Variants in SNTG1 observed in about 807,000 individuals in gnomAD.
SNTG1 encodes the protein gamma-1-syntrophin.
A neutral mutation model predicts 74.7 loss-of-function variants in SNTG1; 39 were observed. The ratio of observed to expected loss-of-function variants is 0.52; its 90% CI spans 0.40 to 0.68. The LOEUF (loss-of-function observed/expected upper bound fraction) is 0.68, where lower values mean the gene tolerates loss of function less well. Among genes scored for constraint, SNTG1 ranks in the 30% least tolerant of loss-of-function variants. SNTG1 has a pLI of 0.00. For missense variants in SNTG1, 685 were observed against 609.5 expected (o/e 1.12, Z -1.30); for synonymous variants, 254 against 217.1 (o/e 1.17, Z -1.49).
intron 4 of SNTG1, among the ~76,000 whole-genome samples, chr8:50,425,011 G>A (rs1190673224): frequency 6.6e-6 from 1 of 152,072 alleles, no homozygotes; most frequent in Non-Finnish European, 1.5e-5. Context: ...TTGTTTATGA[G>A]AAATCAATAG....
intron 12 of SNTG1, 37 bp from the exon 13 acceptor site, chr8:50,590,842 T>G: frequency 1.4e-6 from 2 of 1,392,414 alleles, no homozygotes. Context: ...TACCATCTAT[T>G]GTTCTTCTCA....
intron 13 of SNTG1, among the ~76,000 whole-genome samples, chr8:50,653,772 A>G (rs575345584): frequency 5.3e-5 from 8 of 152,166 alleles, no homozygotes; most frequent in Non-Finnish European, 1.0e-4. Context: ...TGTTCTTTGG[A>G]TACTTTTCAA....
chr8:50,434,364 C>T (rs1298898044), intron 4 of SNTG1, among the ~76,000 whole-genome samples: 3 of 152,208 alleles, frequency 2.0e-5, no homozygotes, highest in Admixed American at 2.0e-4. Flanking sequence ...GTGCATGTGT[C>T]TTTATAGCAG....
At chr8:50,741,459 A>G (rs1405314960) in intron 17 of SNTG1, among the ~76,000 whole-genome samples, 2 of 152,062 alleles carry the variant, frequency 1.3e-5, no homozygotes, top group Non-Finnish European at 2.9e-5. Context: ...TAAATGTAAG[A>G]AAAAGATAAT....
chr8:50,259,241 G>A (rs1366071650), intron 2 of SNTG1, among the ~76,000 whole-genome samples: 1 of 152,090 alleles, frequency 6.6e-6, no homozygotes, highest in Non-Finnish European at 1.5e-5. Flanking sequence ...GCTCACACCT[G>A]TAATCCCAGC....
intron 1 of SNTG1, among the ~76,000 whole-genome samples, chr8:50,028,035 T>C (rs564268238): frequency 1.3e-5 from 2 of 152,288 alleles, no homozygotes; most frequent in African/African-American, 2.4e-5. Context: ...TAGTTCTATG[T>C]CACATTACCA....
In SNTG1 at chr8:50,779,703, C is replaced by G. The variant is rs546166517; in HGVS notation, c.1396-12968C>G. On this transcript the variant is annotated intron_variant, in intron 18 of 18. Transcript: ENST00000642720. ...AATCGAATACCCTTTATTTCCTTCT[C>G]CTGCCTAATTGCCCTGGCCAGAACT... 2.9e-3 allele frequency among the ~76,000 whole-genome samples: 438 copies of G among 152,076 alleles called. 1 individual carries two copies. Among genetic ancestry groups the G allele is most frequent in the African/African-American group, 0.01 (423 of 41,440 alleles).
Position 50,793,711 on chromosome 8 carries a change from A to G in SNTG1, c.*882A>G, listed in dbSNP as rs2095697557. ...ACCTTTTGTAGAGAAAATAATATAA[A>G]CAAATATGGTGTGAGAAACAATTCT... On this transcript the variant is annotated 3_prime_UTR_variant, in exon 19 of 19. Transcript: ENST00000642720. The G allele has an allele frequency of 6.6e-6, 1 of 151,896 alleles. No individual in the cohort carries two copies. Among genetic ancestry groups the G allele is most frequent in the African/African-American group, 2.4e-5 (1 of 41,406 alleles). The allele number at this position is 151,896 out of a possible 1,614,324, so 9.4% of individuals were successfully genotyped here.
At chr8:50,172,787 AAC>A (rs533659080) in intron 2 of SNTG1, among the ~76,000 whole-genome samples, 152 bp downstream of exon 2, 37,386 of 145,086 alleles carry the variant, frequency 0.26, 4,627 homozygotes, top group Middle Eastern at 0.39. Context: ...AAAAAAAAAA[AAC>A]AAAACCTCTT....
At chr8:50,013,778 G>A (rs528511920) in intron 1 of SNTG1, among the ~76,000 whole-genome samples, 1 of 151,926 alleles carries the variant, frequency 6.6e-6, no homozygotes, top group African/African-American at 2.4e-5. Flanking sequence ...ATTTTTCCTG[G>A]GGGAAATAAT....
intron 1 of SNTG1, among the ~76,000 whole-genome samples, chr8:49,984,684 CACT>C (rs1449522622): frequency 1.3e-5 from 2 of 151,982 alleles, no homozygotes; most frequent in African/African-American, 4.8e-5. Context: ...AAAATAAGAT[CACT>C]ACATTTCATG....
At chr8:50,105,223 AG>A (rs1478915523) in intron 1 of SNTG1, among the ~76,000 whole-genome samples, 35 of 152,186 alleles carry the variant, frequency 2.3e-4, no homozygotes, top group African/African-American at 8.2e-4. Flanking sequence ...GTAAGGAAGG[AG>A]TCCAGCTCCT....
intron 2 of SNTG1, among the ~76,000 whole-genome samples, chr8:50,391,530 C>A (rs532655822): frequency 7.9e-5 from 12 of 152,066 alleles, no homozygotes; most frequent in Non-Finnish European, 1.6e-4. Flanking sequence ...GTCTAAAATT[C>A]TCTTTTTTTG....
In SNTG1 at chr8:49,978,851, A is replaced by T. The variant is rs114090644; in HGVS notation, c.-103+66620A>T. Among the ~76,000 whole-genome samples the T allele has an allele frequency of 7.9e-3, 1,203 of 152,264 alleles. 18 individuals carry two copies. The highest frequency in any genetic ancestry group is 0.028 in the African/African-American group (1,157 of 41,548). On this transcript the variant is annotated intron_variant, in intron 1 of 18. Coordinates refer to ENST00000642720, the MANE Select transcript of SNTG1 (RefSeq NM_018967.5). The stretch of plus-strand genomic sequence containing the variant: ...GTTTAAGAAGTTGAGTAACATCCGA[A>T]ATATCCTCCAATTATTAGCTGACTT...
At chr8:50,513,774 T>G (rs1350942201) in intron 9 of SNTG1, among the ~76,000 whole-genome samples, 1 of 152,226 alleles carries the variant, frequency 6.6e-6, no homozygotes, top group Non-Finnish European at 1.5e-5. Context: ...AAGTGCAGTA[T>G]TAGGGTGGGA....
At chr8:50,139,432 C>A (rs1384803484) in intron 1 of SNTG1, among the ~76,000 whole-genome samples, 1 of 152,194 alleles carries the variant, frequency 6.6e-6, no homozygotes, top group African/African-American at 2.4e-5. Context: ...TAGGCTTTAA[C>A]CCATGTTGAC....
At chr8:49,987,825 A>C (rs1243337074) in intron 1 of SNTG1, among the ~76,000 whole-genome samples, 1 of 151,448 alleles carries the variant, frequency 6.6e-6, no homozygotes, top group African/African-American at 2.4e-5. Flanking sequence ...ATTTTTTGTA[A>C]TTTCGGTAGA....
chr8:50,481,209 C>T (rs567050108), intron 8 of SNTG1, among the ~76,000 whole-genome samples: 5 of 152,120 alleles, frequency 3.3e-5, no homozygotes, highest in Admixed American at 2.0e-4. Context: ...GGTGAAATCC[C>T]GTCTCTATTA....
At chr8:50,194,559 C>A (rs1276669407) in intron 2 of SNTG1, among the ~76,000 whole-genome samples, 1 of 151,980 alleles carries the variant, frequency 6.6e-6, no homozygotes, top group African/African-American at 2.4e-5. Context: ...TTTCTCTCTT[C>A]TTTTCTTGGT....
Sources: allele counts gnomAD v4.1 joint callset (sites outside exome capture counted in the v4.1 genomes callset), GRCh38; gene constraint gnomAD v4.1.1; transcripts MANE v1.5; gene names NCBI Gene and HGNC (gene_info 2026-07-23, HGNC 2026-07-21).